MKLN1: variants seen among roughly 807,000 people sequenced by gnomAD.
The protein encoded by MKLN1 is muskelin.
MKLN1 carries 18 observed loss-of-function variants against 99.0 expected under a neutral mutation model. The ratio of observed to expected loss-of-function variants is 0.18; its 90% CI spans 0.13 to 0.27. The LOEUF is 0.27. MKLN1 is among the 10% of genes least tolerant of loss of function. The pLI, the probability that MKLN1 is intolerant of heterozygous loss-of-function variation, is 1.00. For missense variants in MKLN1, 621 were observed against 875.9 expected (o/e 0.71, Z 3.67); for synonymous variants, 288 against 293.2 (o/e 0.98, Z 0.18).
At chr7:131,409,405 C>A (rs1427410739) in intron 6 of MKLN1, among the ~76,000 whole-genome samples, 1 of 152,168 alleles carries the variant, frequency 6.6e-6, no homozygotes, top group African/African-American at 2.4e-5. Context: ...AAAAGCAATG[C>A]ATTTTTTTAA....
chr7:131,208,429 A>T (rs1181698488), intron 3 of MKLN1, among the ~76,000 whole-genome samples: 1 of 152,114 alleles, frequency 6.6e-6, no homozygotes, highest in Non-Finnish European at 1.5e-5. Context: ...CCCTGTCTCA[A>T]CAAAAAAATA....
intron 8 of MKLN1, among the ~76,000 whole-genome samples, chr7:131,422,234 G>A (rs1012699210): frequency 6.6e-6 from 1 of 152,122 alleles, no homozygotes; most frequent in Non-Finnish European, 1.5e-5. Flanking sequence ...TAATCAAAGA[G>A]ACTCTTACTA....
At chr7:131,424,002 C>T (rs1209131177) in intron 8 of MKLN1, among the ~76,000 whole-genome samples, 1 of 152,118 alleles carries the variant, frequency 6.6e-6, no homozygotes, top group East Asian at 1.9e-4. Flanking sequence ...TCTGCTGGGT[C>T]ATGATACTTC....
intron 3 of MKLN1, among the ~76,000 whole-genome samples, chr7:131,222,831 A>T (rs1473353458): frequency 6.6e-6 from 1 of 151,342 alleles, no homozygotes; most frequent in East Asian, 1.9e-4. Context: ...AGCCTGGCCA[A>T]CATGGTAAAA....
chr7:131,170,346 A>C (rs1202150159), intron 2 of MKLN1, among the ~76,000 whole-genome samples: 2 of 152,226 alleles, frequency 1.3e-5, no homozygotes, highest in Non-Finnish European at 2.9e-5. Flanking sequence ...ACAGCATTTA[A>C]CATAAAACAC....
chr7:131,444,221 G>C lies in MKLN1; in HGVS notation c.1395+519G>C, dbSNP rs541673244. On this transcript the variant is annotated intron_variant, in intron 11 of 17. Transcript: ENST00000352689. ...AAAAATTAGCCTGGCGTGGTGACCT[G>C]TGCCTGTAGTCCCAGCCTCCCAAGT... Among the ~76,000 whole-genome samples, 5 of 151,934 alleles carry C rather than the reference G, an allele frequency of 3.3e-5. No individual in the cohort carries two copies. The South Asian group carries it at 1.0e-3, about 32-fold the overall frequency.
chr7:131,472,960 A>G (rs1272369406), intron 16 of MKLN1, among the ~76,000 whole-genome samples: 2 of 151,360 alleles, frequency 1.3e-5, no homozygotes, highest in East Asian at 1.9e-4. Context: ...AAAAAAAAAA[A>G]AAAAAGAAAA....
intron 4 of MKLN1, among the ~76,000 whole-genome samples, chr7:131,392,996 A>C (rs1019260378): frequency 1.3e-5 from 2 of 151,982 alleles, no homozygotes; most frequent in Non-Finnish European, 2.9e-5. Context: ...TCCTGGGCTC[A>C]AGCCATGTTC....
At chr7:131,419,020 A>G (rs1487516404) in intron 8 of MKLN1, among the ~76,000 whole-genome samples, 1 of 152,056 alleles carries the variant, frequency 6.6e-6, no homozygotes, top group Non-Finnish European at 1.5e-5. Context: ...AAGTCTAACA[A>G]CTTTCATGCC....
chr7:131,445,571 T>C (rs1465773542), intron 11 of MKLN1, among the ~76,000 whole-genome samples: 2 of 152,146 alleles, frequency 1.3e-5, no homozygotes, highest in African/African-American at 2.4e-5. Context: ...GCACCTTGCT[T>C]TTCTTCTTTA....
intron 3 of MKLN1, among the ~76,000 whole-genome samples, chr7:131,258,454 G>A (rs140490215): frequency 1.3e-5 from 2 of 151,426 alleles, no homozygotes; most frequent in South Asian, 4.2e-4. Context: ...AGGATGCCTC[G>A]GTGAATAAGA....
chr7:131,121,402 C>G (rs1205689852), intron 1 of MKLN1, among the ~76,000 whole-genome samples: 1 of 152,044 alleles, frequency 6.6e-6, no homozygotes, highest in Non-Finnish European at 1.5e-5. Context: ...GAACCAAGAA[C>G]CAACTAAATT....
At chr7:131,140,559 C>T (rs1795715736) in intron 1 of MKLN1, among the ~76,000 whole-genome samples, 1 of 152,176 alleles carries the variant, frequency 6.6e-6, no homozygotes, top group Non-Finnish European at 1.5e-5. Flanking sequence ...TCTTCTCACT[C>T]GTGCTCTCTC....
rs374513473 is a variant in MKLN1 at position 131,363,760 on chromosome 7, A to G, written c.99-11664A>G. ...TTTCTTTTTTTGTACCATCCCTGGG[A>G]AAAAAAAAAAACTGTCCTGCCGTGT... On this transcript the variant is annotated intron_variant, in intron 1 of 17. Transcript: ENST00000352689. Among the ~76,000 whole-genome samples the G allele has an allele frequency of 3.0e-3, 423 of 142,660 alleles. 1 individual carries two copies. The highest frequency in any genetic ancestry group is 3.6e-3 in the African/African-American group (140 of 38,466). 93.6% of individuals were successfully genotyped at this position (142,660 alleles called of 152,430 possible). A position where few individuals can be genotyped will look rare whatever the true frequency, so the allele number is the denominator to read the frequency against.
chr7:131,403,505 A>C (rs1487562028), intron 6 of MKLN1, among the ~76,000 whole-genome samples: 1 of 152,174 alleles, frequency 6.6e-6, no homozygotes, highest in Non-Finnish European at 1.5e-5. Context: ...TCTCATTTAC[A>C]ACTTGGTCAA....
At chr7:131,123,695 G>A (rs1166539500) in intron 1 of MKLN1, among the ~76,000 whole-genome samples, 3 of 151,986 alleles carry the variant, frequency 2.0e-5, no homozygotes, top group African/African-American at 7.3e-5. Flanking sequence ...GGCTGAGGCA[G>A]GAGAATTGCT....
chr7:131,197,384 A>T (rs1314204707), intron 2 of MKLN1, among the ~76,000 whole-genome samples: 6 of 16,056 alleles, frequency 3.7e-4, no homozygotes, highest in African/African-American at 8.4e-4. Flanking sequence ...AAATTTTATT[A>T]TTATTATTAT....
At chr7:131,370,792 C>G (rs1435114178) in intron 1 of MKLN1, among the ~76,000 whole-genome samples, 1 of 152,118 alleles carries the variant, frequency 6.6e-6, no homozygotes, top group African/African-American at 2.4e-5. Context: ...ATGCCTGACT[C>G]TTAGGGAGAG....
chr7:131,366,594 T>C (rs1563313639), intron 1 of MKLN1, among the ~76,000 whole-genome samples: 2 of 152,166 alleles, frequency 1.3e-5, no homozygotes, highest in African/African-American at 4.8e-5. Context: ...CAAGATCACT[T>C]GAGGTCAGGA....
Sources: gnomAD v4.1 joint callset for allele counts (sites outside exome capture counted in the v4.1 genomes callset) on GRCh38, gnomAD v4.1.1 for gene constraint, MANE v1.5 for transcripts, NCBI Gene and HGNC (gene_info 2026-07-23, HGNC 2026-07-21) for gene names.